The following CORO1C variants were observed in gnomAD, a reference collection of about 807,000 sequenced individuals.
CORO1C encodes the protein coronin-1C.
CORO1C carries 14 observed loss-of-function variants against 51.2 expected under a neutral mutation model. The observed-to-expected ratio is 0.27, with a 90% CI of 0.18 to 0.43. The LOEUF is 0.43. Among genes scored for constraint, CORO1C ranks in the 20% least tolerant of loss-of-function variants. The pLI is 1.00. For missense variants in CORO1C, 417 were observed against 607.8 expected, an observed-to-expected ratio of 0.69 and a Z score of 3.30; for synonymous variants, 181 against 210.5, an observed-to-expected ratio of 0.86 and a Z score of 1.21.
At chr12:108,686,516 A>C (rs2034301770) in intron 2 of CORO1C, among the ~76,000 whole-genome samples, 1 of 152,224 alleles carries the variant, frequency 6.6e-6, no homozygotes, top group Non-Finnish European at 1.5e-5. Context: ...CTTAATCTAG[A>C]ATATTACTAC....
At chr12:108,724,585 G>C (rs957368607) in intron 1 of CORO1C, among the ~76,000 whole-genome samples, 1 of 152,108 alleles carries the variant, frequency 6.6e-6, no homozygotes, top group Non-Finnish European at 1.5e-5. Context: ...ATCATCACAA[G>C]GCAGTCAAGA....
At position 108,647,340 on chromosome 12, in the gene CORO1C, A is replaced by G; in HGVS notation, c.*63T>C. The G allele has an allele frequency of 6.4e-7, 1 of 1,572,078 alleles. No homozygotes were observed. The highest frequency in any genetic ancestry group is 8.7e-7 in the Non-Finnish European group (1 of 1,153,640). On this transcript the variant is annotated 3_prime_UTR_variant, in exon 11 of 11. Coordinates refer to ENST00000261401, the MANE Select transcript of CORO1C (RefSeq NM_014325.4). ...TTCCGCCCTCCCTAGGACCACACCA[A>G]TAACCAGCTCCCAAGCACAAGTTCT...
chr12:108,697,245 C>T (rs1030488664), intron 2 of CORO1C, among the ~76,000 whole-genome samples: 3 of 152,134 alleles, frequency 2.0e-5, no homozygotes, highest in African/African-American at 7.2e-5. Context: ...TTAATTCCAA[C>T]GTGTACATAT....
chr12:108,694,833 C>G (rs900073323), intron 2 of CORO1C, among the ~76,000 whole-genome samples: 1 of 152,130 alleles, frequency 6.6e-6, no homozygotes, highest in African/African-American at 2.4e-5. Flanking sequence ...GTGTTCAAAA[C>G]TACCAGAAAG....
chr12:108,654,171 G>C (rs868504276), intron 7 of CORO1C, 135 bp downstream of exon 7: 1 of 630,710 alleles, frequency 1.6e-6, no homozygotes, highest in Non-Finnish European at 2.8e-6. Context: ...CAAATTATCT[G>C]TCCTTGGCTT....
At chr12:108,714,909 A>G (rs1453650143) in intron 1 of CORO1C, among the ~76,000 whole-genome samples, 4 of 152,242 alleles carry the variant, frequency 2.6e-5, no homozygotes, top group Non-Finnish European at 4.4e-5. Flanking sequence ...GGGACCACCT[A>G]AAGTCAAACC....
At chr12:108,693,767 G>A (rs1414148452) in intron 2 of CORO1C, among the ~76,000 whole-genome samples, 1 of 152,158 alleles carries the variant, frequency 6.6e-6, no homozygotes, top group African/African-American at 2.4e-5. Flanking sequence ...CCTAGGGACA[G>A]AGCCCCTCTA....
chr12:108,668,344 C>G (rs1011411227), intron 3 of CORO1C: 2 of 152,194 alleles, frequency 1.3e-5, no homozygotes, highest in Admixed American at 1.3e-4. Flanking sequence ...GGCCCAGATG[C>G]AATCTGTACA....
chr12:108,673,606 T>C (rs933243383), intron 3 of CORO1C, among the ~76,000 whole-genome samples: 9 of 152,196 alleles, frequency 5.9e-5, no homozygotes, highest in Non-Finnish European at 1.0e-4. Flanking sequence ...CTTTCATGGC[T>C]AGAGAGGAGA....
At chr12:108,649,738 T>G (rs2032554222) in intron 8 of CORO1C, 1 of 152,262 alleles carries the variant, frequency 6.6e-6, no homozygotes, top group Non-Finnish European at 1.5e-5. Context: ...AAGCCAATTT[T>G]CTTTTTCAGT....
chr12:108,719,437 T>C (rs985954738), intron 1 of CORO1C, among the ~76,000 whole-genome samples: 3 of 152,234 alleles, frequency 2.0e-5, no homozygotes, highest in African/African-American at 7.2e-5. Context: ...GACTTTAGTA[T>C]GTATAAATGA....
intron 2 of CORO1C, among the ~76,000 whole-genome samples, chr12:108,679,109 C>CAAAAAAAAAAAAAAA (rs1183326267): frequency 2.7e-4 from 6 of 22,126 alleles, no homozygotes; most frequent in African/African-American, 7.2e-4. Context: ...GACTCTGTCT[C>CAAAAAAAAAAAAAAA]AAAAAAAAAA....
At chr12:108,671,693 C>T (rs781001674) in intron 3 of CORO1C, among the ~76,000 whole-genome samples, 2 of 152,084 alleles carry the variant, frequency 1.3e-5, no homozygotes, top group South Asian at 2.1e-4. Flanking sequence ...GACAGCAACA[C>T]CTATGCCAAA....
At chr12:108,730,845 C>T (rs539111699) in intron 1 of CORO1C, 1 of 153,010 alleles carries the variant, frequency 6.5e-6, no homozygotes, top group Non-Finnish European at 1.5e-5. Flanking sequence ...TGGTCTCGCA[C>T]CCAAAGCCAG....
intron 2 of CORO1C, among the ~76,000 whole-genome samples, chr12:108,688,472 A>T (rs1223110123): frequency 6.6e-6 from 1 of 152,202 alleles, no homozygotes; most frequent in Non-Finnish European, 1.5e-5. Context: ...CAACATTGGG[A>T]ATTTTGCTTC....
chr12:108,682,285 T>A (rs1027010556), intron 2 of CORO1C, among the ~76,000 whole-genome samples: 38 of 151,984 alleles, frequency 2.5e-4, no homozygotes, highest in African/African-American at 6.8e-4. Context: ...GCTCACTAGA[T>A]AAGACAAGGC....
intron 2 of CORO1C, among the ~76,000 whole-genome samples, chr12:108,688,904 C>T (rs909189924): frequency 5.3e-5 from 8 of 152,142 alleles, no homozygotes; most frequent in Admixed American, 1.3e-4. Context: ...GTGGCACATG[C>T]CTGTAATCCC....
intron 10 of CORO1C, among the ~76,000 whole-genome samples, chr12:108,647,877 T>C (rs748910105): frequency 5.9e-5 from 9 of 152,156 alleles, no homozygotes; most frequent in African/African-American, 1.7e-4. Flanking sequence ...ACCCCAATCA[T>C]TCCATCAAGA....
chr12:108,701,726 G>C (rs1247567382), intron 1 of CORO1C: 3 of 189,822 alleles, frequency 1.6e-5, no homozygotes, highest in African/African-American at 7.1e-5. Context: ...TGAGGCTGAA[G>C]AAAGCCGAAA....
Sources: allele counts gnomAD v4.1 joint callset (sites outside exome capture counted in the v4.1 genomes callset), GRCh38; gene constraint gnomAD v4.1.1; transcripts MANE v1.5; gene names NCBI Gene and HGNC (gene_info 2026-07-23, HGNC 2026-07-21).